DDX54: variants seen among roughly 807,000 people sequenced by gnomAD.
DDX54 encodes the protein DEAD-box helicase 54.
DDX54 carries 67 observed loss-of-function variants against 105.5 expected under a neutral mutation model. The ratio of observed to expected loss-of-function variants is 0.64; its 90% CI spans 0.52 to 0.78. DDX54 has a LOEUF of 0.78. Among genes scored for constraint, DDX54 ranks in the 30% least tolerant of loss-of-function variants. The pLI, the probability that DDX54 is intolerant of heterozygous loss-of-function variation, is 0.00. For synonymous variants in DDX54, 514 were observed against 509.9 expected (o/e 1.01, Z -0.11); for missense variants, 1,206 against 1,230.5 (o/e 0.98, Z 0.30).
chr12:113,159,949 A>T (rs1450346657), intron 19 of DDX54, among the ~76,000 whole-genome samples: 1 of 152,134 alleles, frequency 6.6e-6, no homozygotes, highest in Non-Finnish European at 1.5e-5. Context: ...TCTCCAATGG[A>T]GCCAGGGTGC....
intron 12 of DDX54, chr12:113,167,920 TG>T: frequency 2.0e-6 from 1 of 510,330 alleles, no homozygotes; most frequent in South Asian, 1.4e-5. Flanking sequence ...ACTGGGCCCC[TG>T]GGGCTGCCAG....
intron 1 of DDX54, among the ~76,000 whole-genome samples, chr12:113,181,853 T>C (rs1952472642): frequency 6.6e-6 from 1 of 151,944 alleles, no homozygotes. Flanking sequence ...GTCCCCTTTC[T>C]CTTAAAAATA....
chr12:113,163,295 G>T lies in DDX54; in HGVS notation c.1939-21C>A. The stretch of plus-strand genomic sequence containing the variant: ...ATGTCCTGGCAGAGCACAGACCAAG[G>T]CCCAGTGTCATGCCTGCTGCCCCCT... On this transcript the variant is annotated intron_variant, in intron 15 of 19. Transcript: ENST00000306014. The surrounding 1 kb of genome is among the most constrained non-coding windows in gnomAD (Gnocchi z 5.9). 6.2e-7 allele frequency: 1 copy of T among 1,602,282 alleles called. No individual in the cohort carries two copies.
At position 113,185,456 on chromosome 12, in the gene DDX54, G is replaced by C. The variant is rs1158377022; in HGVS notation, c.-5C>G. ...CGGGCCCTTGTCGGCCGCCATTCGG[G>C]CCGCGCGCTGGGAACGCAGAAGGGG... On this transcript the variant is annotated 5_prime_UTR_variant, in exon 1 of 20. Coordinates refer to ENST00000306014, the MANE Select transcript of DDX54 (RefSeq NM_024072.4). The C allele has an allele frequency of 6.7e-7, 1 of 1,499,398 alleles. No homozygotes were observed. Among genetic ancestry groups the C allele is most frequent in the African/African-American group, 1.4e-5 (1 of 69,096 alleles). 92.9% of individuals were successfully genotyped at this position (1,499,398 alleles called of 1,614,324 possible).
At chr12:113,161,870 C>T (rs757963858) in intron 18 of DDX54, 23 bp downstream of exon 18, 12 of 1,602,306 alleles carry the variant, frequency 7.5e-6, no homozygotes, top group Non-Finnish European at 1.0e-5. Context: ...CCCGCCCCTC[C>T]CCAGCCACGC....
chr12:113,161,777 TCAGCCCCGCCCCCTCCTCCCCGCCCCC>T, intron 18 of DDX54, 89 bp downstream of exon 18: 1 of 340,570 alleles, frequency 2.9e-6, no homozygotes, highest in South Asian at 2.4e-5. Flanking sequence ...CTTAAGCCGC[TCAGCCCCGCCCCCTCCTCCCCGCCCCC>T]GCCCCCGCCC....
chr12:113,171,317 T>A (rs754595674), intron 11 of DDX54, among the ~76,000 whole-genome samples: 7 of 152,116 alleles, frequency 4.6e-5, no homozygotes, highest in African/African-American at 7.2e-5. Context: ...GGAAAAGTTC[T>A]GGGGCCAAGC....
At chr12:113,185,240 C>G in intron 1 of DDX54, 38 bp downstream of exon 1, 5 of 1,460,140 alleles carry the variant, frequency 3.4e-6, no homozygotes, top group Non-Finnish European at 4.5e-6. Context: ...GGAGCCGGGT[C>G]TCGGGCCCGA....
rs760074241 is a variant in DDX54, at chr12:113,158,951, CGCG to C, written c.2569_2571del (p.Arg857del). 9.9e-6 allele frequency: 16 copies of C among 1,611,372 alleles called. No homozygotes were observed. Among genetic ancestry groups the C allele is most frequent in the African/African-American group, 8.0e-5 (6 of 74,918 alleles). ...AAGGCGCCCTGCTGCAGCTCCTGGA[CGCG>C]GCGGCGGTTGCGGGCAGAGAGCTGC... On this transcript the variant is annotated inframe_deletion, in exon 20 of 20. Transcript: ENST00000306014. This position sits in a 1 kb window ranked among gnomAD's most constrained non-coding sequence, Gnocchi z 4.9.
At chr12:113,181,151 C>G in intron 1 of DDX54, 93 bp from the exon 2 acceptor site, 1 of 1,434,096 alleles carries the variant, frequency 7.0e-7, no homozygotes, top group Non-Finnish European at 9.2e-7. Context: ...CTCTCTCCCC[C>G]ATTCAAGCCA....
At chr12:113,170,484 C>T (rs879168839) in intron 11 of DDX54, among the ~76,000 whole-genome samples, 5 of 152,060 alleles carry the variant, frequency 3.3e-5, no homozygotes, top group Admixed American at 2.6e-4. Context: ...CTACAAAAAA[C>T]GAAAATTAGC....
At position 113,161,395 on chromosome 12, in the gene DDX54, G is replaced by C. The variant is rs777402132; in HGVS notation, c.2301-13C>G. ...CCACTTCTGATAGCTGGGAAACCTCGTTAAGGAAGCTGCGTGAAGCCCCTG... is the reference window on the plus strand; with the variant it reads ...CCACTTCTGATAGCTGGGAAACCTCCTTAAGGAAGCTGCGTGAAGCCCCTG... On this transcript the variant is annotated splice_polypyrimidine_tract_variant and intron_variant, in intron 18 of 19. Transcript: ENST00000306014. 3.7e-6 allele frequency: 6 copies of C among 1,604,984 alleles called. No individual in the cohort carries two copies. Among genetic ancestry groups the C allele is most frequent in the Non-Finnish European group, 4.3e-6 (5 of 1,173,908 alleles).
chr12:113,171,543 G>A (rs929654149), intron 11 of DDX54, among the ~76,000 whole-genome samples: 1 of 151,504 alleles, frequency 6.6e-6, no homozygotes, highest in African/African-American at 2.4e-5. Context: ...GGTGAAGGTT[G>A]CAGTGAGCCG....
At chr12:113,166,705 TAAAAACAAAAAAAC>T (rs1413716843) in intron 12 of DDX54, among the ~76,000 whole-genome samples, 1 of 151,246 alleles carries the variant, frequency 6.6e-6, no homozygotes, top group African/African-American at 2.4e-5. Context: ...TTGTCTCTCT[TAAAAACAAAAAAAC>T]AAAAACAAAA....
In DDX54 at chr12:113,185,447, G is replaced by A; in HGVS notation, c.5C>T (p.Ala2Val). Reference sequence around the variant, plus strand: ...TCCAGCCGCCGGGCCCTTGTCGGCCGCCATTCGGGCCGCGCGCTGGGAACG... The same window carrying A: ...TCCAGCCGCCGGGCCCTTGTCGGCCACCATTCGGGCCGCGCGCTGGGAACG... MAADKGPAAGPR... is the reference protein window; with the variant it reads MVADKGPAAGPR... Residue 2 changes from alanine (A) to valine (V), a missense_variant, in exon 1 of 20, where the codon GCG (alanine) becomes GTG (valine). Around this residue, in one of 3 missense-constraint regions of DDX54, gnomAD observed 212 missense variants for 155.4 expected, o/e 1.36. Coordinates refer to ENST00000306014, the MANE Select transcript of DDX54 (RefSeq NM_024072.4). 3 of 1,500,876 alleles carry A rather than the reference G, an allele frequency of 2.0e-6. No individual in the cohort carries two copies. Among genetic ancestry groups the A allele is most frequent in the Admixed American group, 4.4e-5 (2 of 45,718 alleles). 93.0% of individuals were successfully genotyped at this position (1,500,876 alleles called of 1,614,324 possible). A position where few individuals can be genotyped will look rare whatever the true frequency, so the allele number is the denominator to read the frequency against.
intron 9 of DDX54, 43 bp downstream of exon 9, chr12:113,174,832 C>T: frequency 6.2e-7 from 1 of 1,614,228 alleles, no homozygotes; most frequent in Non-Finnish European, 8.5e-7. Context: ...CTGCAGGGCC[C>T]ACCTGGACAC....
At chr12:113,160,308 T>C (rs914335368) in intron 19 of DDX54, among the ~76,000 whole-genome samples, 1 of 152,048 alleles carries the variant, frequency 6.6e-6, no homozygotes, top group Non-Finnish European at 1.5e-5. Context: ...TAAGGCCATC[T>C]GAGAGAGACC....
At chr12:113,182,645 C>A (rs933217183) in intron 1 of DDX54, among the ~76,000 whole-genome samples, 1 of 151,362 alleles carries the variant, frequency 6.6e-6, no homozygotes, top group Non-Finnish European at 1.5e-5. Flanking sequence ...GCAGCCTCCA[C>A]CTCCTGGGTC....
intron 7 of DDX54, 65 bp downstream of exon 7, chr12:113,176,775 T>A (rs1022067225): frequency 2.0e-5 from 31 of 1,556,986 alleles, no homozygotes; most frequent in Non-Finnish European, 2.7e-5. Flanking sequence ...TTCCTCTGGT[T>A]GACCTCTCTG....
Sources: allele counts gnomAD v4.1 joint callset (sites outside exome capture counted in the v4.1 genomes callset), GRCh38; gene constraint gnomAD v4.1.1; regional missense constraint gnomAD v4.1.1; non-coding constraint Gnocchi (gnomAD v3.1); transcripts MANE v1.5; gene names NCBI Gene and HGNC (gene_info 2026-07-23, HGNC 2026-07-21).